Variants in COLQ observed in about 807,000 individuals in gnomAD.
The protein encoded by COLQ is acetylcholinesterase collagenic tail peptide.
A neutral mutation model predicts 69.0 loss-of-function variants in COLQ; 48 were observed. That is an observed-to-expected ratio of 0.70 (90% CI 0.55 to 0.88). The LOEUF (loss-of-function observed/expected upper bound fraction) is 0.88, where lower values mean the gene tolerates loss of function less well. COLQ is among the 40% of genes least tolerant of loss of function. The pLI is 0.00. For missense variants in COLQ, 618 were observed against 594.6 expected, an observed-to-expected ratio of 1.04 and a Z score of -0.41; for synonymous variants, 217 against 211.2, an observed-to-expected ratio of 1.03 and a Z score of -0.24.
In COLQ at chr3:15,451,697, GCAGGTCTC is replaced by G; in HGVS notation, c.1307_1314del (p.Gly436AlafsTer71). 2 of 1,614,120 alleles carry G rather than the reference GCAGGTCTC, an allele frequency of 1.2e-6. No homozygotes were observed. The highest frequency in any genetic ancestry group is 1.7e-6 in the Non-Finnish European group (2 of 1,179,996). Reference sequence around the variant, plus strand: ...TCGATGTAGCAGTACTGGGTGCATTGCAGGTCTCCATATGACCTGAGGGAGGCAAAGAC... The same window carrying G: ...TCGATGTAGCAGTACTGGGTGCATTGCATATGACCTGAGGGAGGCAAAGAC... On this transcript the variant is annotated frameshift_variant, in exon 17 of 17. Coordinates refer to ENST00000383788, the MANE Select transcript of COLQ (RefSeq NM_005677.4). LOFTEE classifies it high-confidence loss of function.
chr3:15,502,864 C>T (rs1272590648), intron 1 of COLQ, among the ~76,000 whole-genome samples: 3 of 152,194 alleles, frequency 2.0e-5, no homozygotes, highest in Non-Finnish European at 2.9e-5. Context: ...TTTGGCAAAA[C>T]CCACATCACG....
rs1368260070 is a variant in COLQ at position 15,491,786 on chromosome 3, A to G, written c.107-2149T>C. On this transcript the variant is annotated intron_variant, in intron 1 of 16. Transcript: ENST00000383788. ...CAAGAAAGTGATTTATGGGCCAGGC[A>G]TGGTGGCTCATGCCTGTAATCCCAG... Among the ~76,000 whole-genome samples the G allele has an allele frequency of 2.0e-5, 3 of 152,200 alleles. No individual in the cohort carries two copies. The East Asian group carries it at 5.8e-4, about 29-fold the overall frequency.
chr3:15,466,872 G>A (rs2062208209), intron 11 of COLQ, among the ~76,000 whole-genome samples: 1 of 152,138 alleles, frequency 6.6e-6, no homozygotes, highest in Non-Finnish European at 1.5e-5. Context: ...GTCTTCAAGG[G>A]CACCATGTCT....
intron 12 of COLQ, among the ~76,000 whole-genome samples, chr3:15,465,610 CTT>C (rs71045163): frequency 1.3e-4 from 12 of 94,750 alleles, no homozygotes; most frequent in African/African-American, 5.2e-4. Flanking sequence ...CTTTCTACAT[CTT>C]TTTTTTTTTT....
At chr3:15,453,257 A>G (rs1266992587) in intron 16 of COLQ, among the ~76,000 whole-genome samples, 1 of 152,170 alleles carries the variant, frequency 6.6e-6, no homozygotes, top group African/African-American at 2.4e-5. Flanking sequence ...AACAACATAA[A>G]TAGCCACTGA....
chr3:15,477,428 T>C, intron 5 of COLQ: 2 of 546,670 alleles, frequency 3.7e-6, no homozygotes, highest in Middle Eastern at 4.5e-4. Flanking sequence ...AGAAAGGGAC[T>C]CTAAACTTCT....
chr3:15,468,773 C>A (rs1272317271), intron 11 of COLQ, among the ~76,000 whole-genome samples: 1 of 152,210 alleles, frequency 6.6e-6, no homozygotes, highest in Non-Finnish European at 1.5e-5. Flanking sequence ...CTAATCCTGG[C>A]TTTGAAGCTG....
At chr3:15,499,019 A>C in intron 1 of COLQ, 38 of 980,278 alleles carry the variant, frequency 3.9e-5, no homozygotes, top group Admixed American at 3.4e-4. Flanking sequence ...CCTCAAAGTC[A>C]ACCCCCCACC....
intron 1 of COLQ, among the ~76,000 whole-genome samples, chr3:15,509,938 C>T (rs1347376856): frequency 2.6e-5 from 4 of 151,950 alleles, no homozygotes; most frequent in African/African-American, 7.3e-5. Context: ...TTTGGGAGGC[C>T]GAGGTGGGTG....
chr3:15,499,146 A>C (rs2062796522), intron 1 of COLQ, among the ~76,000 whole-genome samples: 1 of 152,108 alleles, frequency 6.6e-6, no homozygotes, highest in South Asian at 2.1e-4. Flanking sequence ...AACGTAACTA[A>C]AACAACAACA....
chr3:15,488,152 G>C, intron 3 of COLQ, 54 bp downstream of exon 3: 1 of 1,308,716 alleles, frequency 7.6e-7, no homozygotes. Context: ...TGTGCAGTGG[G>C]CTTTCCTGCT....
chr3:15,513,685 G>T (rs972727116), intron 1 of COLQ, among the ~76,000 whole-genome samples: 35 of 152,132 alleles, frequency 2.3e-4, no homozygotes, highest in African/African-American at 8.2e-4. Context: ...CTCAGGCTCC[G>T]CTTCTGAGAA....
rs1473539270 is a variant in COLQ, at chr3:15,484,523, T to A, written c.321+3683A>T. On this transcript the variant is annotated intron_variant, in intron 3 of 16. Coordinates refer to ENST00000383788, the MANE Select transcript of COLQ (RefSeq NM_005677.4). Reference sequence around the variant, plus strand: ...TCCTGAAGAGTGTTTTCCAACTTGATTCCATTCTCCCCGTCACTTTCAGGT... The same window carrying A: ...TCCTGAAGAGTGTTTTCCAACTTGAATCCATTCTCCCCGTCACTTTCAGGT... 2.6e-5 allele frequency among the ~76,000 whole-genome samples: 4 copies of A among 152,382 alleles called. No homozygotes were observed. The East Asian group carries it at 7.7e-4, about 29-fold the overall frequency.
chr3:15,515,619 C>T (rs899809948), intron 1 of COLQ, among the ~76,000 whole-genome samples: 5 of 152,216 alleles, frequency 3.3e-5, no homozygotes, highest in African/African-American at 1.2e-4. Context: ...ACCAGCCTGG[C>T]TAACAAGGTG....
intron 1 of COLQ, among the ~76,000 whole-genome samples, chr3:15,519,111 C>G (rs1385671856): frequency 6.6e-6 from 1 of 152,012 alleles, no homozygotes; most frequent in East Asian, 1.9e-4. Context: ...GGGGGCAAAG[C>G]CAAGTGACCA....
intron 3 of COLQ, among the ~76,000 whole-genome samples, chr3:15,480,684 T>TG (rs1350180365): frequency 6.6e-6 from 1 of 152,246 alleles, no homozygotes; most frequent in Non-Finnish European, 1.5e-5. Context: ...TACAATCCTT[T>TG]GGGTATATAC....
chr3:15,514,542 C>G (rs1157558090), intron 1 of COLQ, among the ~76,000 whole-genome samples: 6 of 152,250 alleles, frequency 3.9e-5, no homozygotes, highest in Admixed American at 6.5e-5. Flanking sequence ...TCAGCTTGGA[C>G]TCTGGACTTT....
intron 1 of COLQ, chr3:15,498,473 A>G (rs1217549385): frequency 2.0e-6 from 3 of 1,507,350 alleles, no homozygotes; most frequent in South Asian, 1.2e-5. Flanking sequence ...GTGCATCCAC[A>G]CACACACACA....
Position 15,493,121 on chromosome 3 carries a change from A to C in COLQ, c.107-3484T>G, listed in dbSNP as rs2062696724. ...TCATGCTAATTCTGGAAAAGCAAGG[A>C]GAATTTAGACAGGAAGACTTCCAGA... On this transcript the variant is annotated intron_variant, in intron 1 of 16. Transcript: ENST00000383788. Among the ~76,000 whole-genome samples, 3 of 152,198 alleles carry C rather than the reference A, an allele frequency of 2.0e-5. No homozygotes were observed. The South Asian group carries it at 6.2e-4, about 32-fold the overall frequency.
Sources: gnomAD v4.1 joint callset for allele counts (sites outside exome capture counted in the v4.1 genomes callset) on GRCh38, gnomAD v4.1.1 for gene constraint, MANE v1.5 for transcripts, NCBI Gene and HGNC (gene_info 2026-07-23, HGNC 2026-07-21) for gene names.